The following STPG2 variants were observed in gnomAD, a reference collection of about 807,000 sequenced individuals.
The protein encoded by STPG2 is sperm tail PG-rich repeat containing 2.
Under a neutral mutation model 54.2 loss-of-function variants are expected in STPG2, and 56 were observed. The ratio of observed to expected loss-of-function variants is 1.03; its 90% CI spans 0.83 to 1.29. STPG2 has a LOEUF of 1.29. Among genes scored for constraint, STPG2 ranks in the 50% most tolerant of loss-of-function variants. STPG2 has a pLI of 0.00. For missense variants in STPG2, 596 were observed against 544.9 expected (o/e 1.09, Z -0.93); for synonymous variants, 200 against 181.8 (o/e 1.10, Z -0.81).
At chr4:97,470,926 T>C (rs1025596027) in intron 4 of STPG2, among the ~76,000 whole-genome samples, 11 of 152,108 alleles carry the variant, frequency 7.2e-5, no homozygotes, top group Admixed American at 1.3e-4. Flanking sequence ...ATATGTCAGA[T>C]TGGGGATCAT....
intron 10 of STPG2, among the ~76,000 whole-genome samples, chr4:97,593,224 GA>G (rs1733190748): frequency 1.3e-5 from 2 of 151,930 alleles, no homozygotes; most frequent in Admixed American, 1.3e-4. Context: ...AGCCCCTGCC[GA>G]CAGGCACCAG....
chr4:98,017,974 T>G (rs1247924359), intron 5 of STPG2, among the ~76,000 whole-genome samples: 1 of 152,140 alleles, frequency 6.6e-6, no homozygotes, highest in Non-Finnish European at 1.5e-5. Flanking sequence ...CCTAGCCATG[T>G]GGGACTGTGA....
intron 8 of STPG2, among the ~76,000 whole-genome samples, chr4:97,902,834 T>C (rs1220752840): frequency 6.6e-6 from 1 of 152,164 alleles, no homozygotes; most frequent in Non-Finnish European, 1.5e-5. Context: ...GTTGAAGAGA[T>C]ATCAGTACTT....
intron 9 of STPG2, among the ~76,000 whole-genome samples, chr4:97,755,001 A>C (rs1725686790): frequency 6.6e-6 from 1 of 152,156 alleles, no homozygotes; most frequent in Non-Finnish European, 1.5e-5. Flanking sequence ...TGGATGACTA[A>C]GGTTAACGAG....
At chr4:97,835,807 A>G (rs1728615032) in intron 9 of STPG2, among the ~76,000 whole-genome samples, 1 of 152,088 alleles carries the variant, frequency 6.6e-6, no homozygotes, top group South Asian at 2.1e-4. Context: ...CAGAAGTTTG[A>G]AAAAGGTTGA....
chr4:97,512,640 A>G (rs753179171), intron 4 of STPG2, among the ~76,000 whole-genome samples: 14 of 152,026 alleles, frequency 9.2e-5, no homozygotes, highest in Non-Finnish European at 2.1e-4. Flanking sequence ...AAAAATAAAG[A>G]AAAGATAGGG....
At chr4:97,901,132 T>C (rs1731161446) in intron 8 of STPG2, among the ~76,000 whole-genome samples, 2 of 151,864 alleles carry the variant, frequency 1.3e-5, no homozygotes, top group African/African-American at 4.8e-5. Flanking sequence ...AATTAACAAA[T>C]TTAGGATGAT....
At chr4:97,998,011 A>G (rs1735297423) in intron 5 of STPG2, among the ~76,000 whole-genome samples, 1 of 152,222 alleles carries the variant, frequency 6.6e-6, no homozygotes, top group South Asian at 2.1e-4. Context: ...GACACCAGTA[A>G]AAAGGCTATT....
intron 8 of STPG2, among the ~76,000 whole-genome samples, chr4:97,882,629 G>A (rs554922800): frequency 9.2e-5 from 14 of 152,214 alleles, no homozygotes; most frequent in African/African-American, 2.2e-4. Context: ...GAAGTAATAT[G>A]AGGCATAAAC....
intron 5 of STPG2, among the ~76,000 whole-genome samples, chr4:98,019,432 G>A (rs1352601717): frequency 6.6e-6 from 1 of 151,950 alleles, no homozygotes; most frequent in Non-Finnish European, 1.5e-5. Flanking sequence ...TTGTAGTATA[G>A]TTTGAAGTCA....
intron 5 of STPG2, among the ~76,000 whole-genome samples, chr4:98,083,128 ACTT>A (rs1359737568): frequency 1.3e-5 from 2 of 151,936 alleles, no homozygotes; most frequent in African/African-American, 2.4e-5. Context: ...CTTCTCCTTC[ACTT>A]CTTCTTCTCT....
intron 4 of STPG2, among the ~76,000 whole-genome samples, chr4:97,449,481 T>C (rs1729311490): frequency 1.3e-5 from 2 of 152,124 alleles, no homozygotes; most frequent in Non-Finnish European, 2.9e-5. Context: ...TAAAACAAAC[T>C]CTGATTTCCA....
At chr4:97,898,241 C>G (rs533836528) in intron 8 of STPG2, among the ~76,000 whole-genome samples, 1 of 152,120 alleles carries the variant, frequency 6.6e-6, no homozygotes, top group South Asian at 2.1e-4. Flanking sequence ...TCTGGACTCT[C>G]TAGTTGTTCC....
chr4:97,975,412 C>T (rs1203373111), intron 6 of STPG2, among the ~76,000 whole-genome samples: 1 of 152,152 alleles, frequency 6.6e-6, no homozygotes, highest in African/African-American at 2.4e-5. Flanking sequence ...CTCCCTGTCA[C>T]AAAAGTTATT....
At chr4:97,471,066 AG>A (rs1265174831) in intron 4 of STPG2, among the ~76,000 whole-genome samples, 1 of 152,184 alleles carries the variant, frequency 6.6e-6, no homozygotes, top group Non-Finnish European at 1.5e-5. Context: ...CACTGGACAA[AG>A]GGATGACTGA....
chr4:97,729,066 TC>T (rs879863649), intron 9 of STPG2, among the ~76,000 whole-genome samples: 1,799 of 56,286 alleles, frequency 0.032, 27 homozygotes, highest in African/African-American at 0.073. Context: ...CAAGAATTTC[TC>T]TCTCTCTCTC....
In STPG2 at chr4:97,981,269, T is replaced by C. The variant is rs747490813; in HGVS notation, c.662A>G (p.Glu221Gly). 2 of 1,614,064 alleles carry C rather than the reference T, an allele frequency of 1.2e-6. No individual in the cohort carries two copies. The highest frequency in any genetic ancestry group is 1.3e-5 in the African/African-American group (1 of 75,054). Reference sequence around the variant, plus strand: ...CAAAGACTTGAGAGCAGTTCGAGGTTCATTATATGTGCCAGGAGCCGGGGT... The same window carrying C: ...CAAAGACTTGAGAGCAGTTCGAGGTCCATTATATGTGCCAGGAGCCGGGGT... ...SITPAPGTYN[E>G]PRTALKSLKK... Residue 221 changes from glutamate (E) to glycine (G), a missense_variant, in exon 6 of 11, where the codon GAA becomes GGA. Glu to Gly is a moderately conservative substitution (Grantham distance 98, BLOSUM62 -2). Transcript: ENST00000295268.
intron 4 of STPG2, among the ~76,000 whole-genome samples, chr4:97,540,602 G>T (rs184090598): frequency 1.3e-5 from 2 of 152,068 alleles, no homozygotes; most frequent in African/African-American, 4.8e-5. Flanking sequence ...AGAAAAAGAG[G>T]GAATCCTCCC....
intron 8 of STPG2, among the ~76,000 whole-genome samples, chr4:97,906,013 G>A (rs1406491461): frequency 1.3e-5 from 2 of 152,010 alleles, no homozygotes; most frequent in Non-Finnish European, 2.9e-5. Context: ...AAATAACTAA[G>A]ATCAGAGCAG....
Sources: allele counts gnomAD v4.1 joint callset (sites outside exome capture counted in the v4.1 genomes callset), GRCh38; gene constraint gnomAD v4.1.1; transcripts MANE v1.5; gene names NCBI Gene and HGNC (gene_info 2026-07-23, HGNC 2026-07-21).